The following FBN2 variants were observed in gnomAD, a reference collection of about 807,000 sequenced individuals.
FBN2 encodes the protein fibrillin 2, also known as fibrillin-2.
Under a neutral mutation model 355.6 loss-of-function variants are expected in FBN2, and 105 were observed. The ratio of observed to expected loss-of-function variants is 0.30; its 90% CI spans 0.25 to 0.35. The LOEUF is 0.35. FBN2 is among the 10% of genes least tolerant of loss of function. The pLI is 1.00. For missense variants in FBN2, 3,280 were observed against 3,758.7 expected (o/e 0.87, Z 3.33); for synonymous variants, 1,350 against 1,301.2 (o/e 1.04, Z -0.81).
rs17608368 is a variant in FBN2 at position 128,286,782 on chromosome 5, G to A, written c.6948C>T (p.Ile2316=). The A allele has an allele frequency of 5.8e-5, 94 of 1,613,932 alleles. No individual in the cohort carries two copies. In the African/African-American group the frequency reaches 8.3e-4, roughly 14 times the overall value. ...GAGGGCAGATGCACATGAAGGTGCC[G>A]ATTAGATTCTTACACATCATGCCCC... ...ESRGMMCKNL[I]GTFMCICPPG... is the part of the protein sequence containing the mutation. Residue 2316 remains isoleucine, a synonymous_variant, in exon 55 of 65, where the codon ATC becomes ATT. Transcript: ENST00000262464.
chr5:128,270,068 A>C (rs1456950440), intron 62 of FBN2, among the ~76,000 whole-genome samples: 1 of 152,224 alleles, frequency 6.6e-6, no homozygotes, highest in Admixed American at 6.5e-5. Context: ...GATCTTTGAC[A>C]AACCTGACAA....
intron 34 of FBN2, among the ~76,000 whole-genome samples, chr5:128,320,601 CTG>C (rs761956831): frequency 3.9e-5 from 6 of 152,178 alleles, no homozygotes; most frequent in Admixed American, 1.3e-4. Flanking sequence ...TAAAAGATTA[CTG>C]TCTTTCCTTT....
intron 55 of FBN2, among the ~76,000 whole-genome samples, chr5:128,281,125 C>A (rs929324441): frequency 2.0e-5 from 3 of 152,158 alleles, no homozygotes; most frequent in African/African-American, 7.2e-5. Context: ...TATTTTCAAC[C>A]TATCTCAGAT....
rs1750923011 is a variant in FBN2, at chr5:128,339,078, A to G, written c.3344-17T>C. ...CGTCGATGTCTAATTCACAGGGTTT[A>G]AAAGAAATTTAAAAATTGAATGAGA... On this transcript the variant is annotated splice_polypyrimidine_tract_variant and intron_variant, in intron 25 of 64. Coordinates refer to ENST00000262464, the MANE Select transcript of FBN2 (RefSeq NM_001999.4). The G allele has an allele frequency of 6.2e-7, 1 of 1,613,354 alleles. No homozygotes were observed.
intron 2 of FBN2, among the ~76,000 whole-genome samples, chr5:128,532,770 G>T (rs1232494053): frequency 2.6e-5 from 4 of 152,178 alleles, no homozygotes; most frequent in African/African-American, 9.7e-5. Context: ...AGTGGGCTGG[G>T]TATGGTGGCT....
intron 48 of FBN2, among the ~76,000 whole-genome samples, chr5:128,299,123 G>T (rs1162052431): frequency 1.3e-5 from 2 of 152,070 alleles, no homozygotes; most frequent in Non-Finnish European, 2.9e-5. Flanking sequence ...CTGCTGGGGG[G>T]TGCCTCCCAG....
At chr5:128,438,973 TAC>T (rs939771046) in intron 7 of FBN2, among the ~76,000 whole-genome samples, 1 of 151,992 alleles carries the variant, frequency 6.6e-6, no homozygotes, top group East Asian at 1.9e-4. Context: ...CACACACACA[TAC>T]ACACACACAC....
chr5:128,474,750 A>G (rs1754964193), intron 5 of FBN2, among the ~76,000 whole-genome samples: 1 of 152,188 alleles, frequency 6.6e-6, no homozygotes, highest in African/African-American at 2.4e-5. Flanking sequence ...CTAATGTGTA[A>G]TGGGAAAACA....
At chr5:128,307,075 T>A in intron 42 of FBN2, 60 bp downstream of exon 42, 6 of 1,059,528 alleles carry the variant, frequency 5.7e-6, no homozygotes, top group Non-Finnish European at 8.9e-6. Flanking sequence ...AAACATAGAA[T>A]AGATTTTTAC....
At position 128,318,152 on chromosome 5, in the gene FBN2, C is replaced by T. The variant is rs535517270; in HGVS notation, c.4714G>A (p.Val1572Ile). ...FQLNPTGVGC[V>I]DNRVGNCYLK... ...TGTTTCATATAGCTTTACTTACCAA[C>T]ACAACCCACACCAGTTGGGTTCAAC... The change falls in exon 36 of 65, where the codon GTT (valine) becomes ATT (isoleucine). Residue 1572 changes from valine to isoleucine, a missense_variant. Val to Ile is a conservative substitution (Grantham distance 29, BLOSUM62 3). Coordinates refer to ENST00000262464, the MANE Select transcript of FBN2 (RefSeq NM_001999.4). The T allele has an allele frequency of 3.1e-6, 5 of 1,614,064 alleles. No individual in the cohort carries two copies. In the Admixed American group the frequency reaches 5.0e-5, roughly 16 times the overall value.
intron 7 of FBN2, among the ~76,000 whole-genome samples, chr5:128,434,394 G>GTGTATATATATATATATATA (rs377404948): frequency 2.2e-5 from 2 of 91,678 alleles, no homozygotes; most frequent in African/African-American, 1.2e-4. Flanking sequence ...AATAAAGTGT[G>GTGTATATATATATATATATA]TATATATATA....
In FBN2 at chr5:128,305,842, G is replaced by A; in HGVS notation, c.5529C>T (p.Asp1843=). The A allele has an allele frequency of 6.2e-7, 1 of 1,613,998 alleles. No individual in the cohort carries two copies. Among genetic ancestry groups the A allele is most frequent in the Admixed American group, 1.7e-5 (1 of 60,012 alleles). The change falls in exon 43 of 65, where the codon GAC becomes GAT. Residue 1843 remains aspartate, a synonymous_variant. Transcript: ENST00000262464. Reference sequence around the variant, plus strand: ...GATTACCTTCACAAACCAACAGCAGGTCATTGTAACTGAATCCTGTAGGGC... The same window carrying A: ...GATTACCTTCACAAACCAACAGCAGATCATTGTAACTGAATCCTGTAGGGC... ...CECPTGFSYN[D]LLLVCEDIDE...
chr5:128,502,483 G>A (rs904893487), intron 5 of FBN2, among the ~76,000 whole-genome samples: 2 of 152,018 alleles, frequency 1.3e-5, no homozygotes, highest in African/African-American at 4.8e-5. Context: ...TATCCAAGTT[G>A]GAATTTAAGT....
chr5:128,507,108 C>T (rs528079353), intron 5 of FBN2, among the ~76,000 whole-genome samples: 1 of 152,170 alleles, frequency 6.6e-6, no homozygotes, highest in Admixed American at 6.5e-5. Flanking sequence ...GAAGTTTTAA[C>T]TCCTGTTCAA....
chr5:128,458,051 C>T (rs368784905), intron 6 of FBN2, among the ~76,000 whole-genome samples: 16 of 151,946 alleles, frequency 1.1e-4, no homozygotes, highest in African/African-American at 2.4e-5. Context: ...CATCGGTGTG[C>T]GTGTGCTGTA....
chr5:128,377,895 G>A lies in FBN2; in HGVS notation c.1724-18C>T. On this transcript the variant is annotated intron_variant, in intron 12 of 64. Coordinates refer to ENST00000262464, the MANE Select transcript of FBN2 (RefSeq NM_001999.4). ...ATCAATATCTAGGAAGATTGAGAATGGCCAAACATCATTCTTTTACAATAC... is the reference window on the plus strand; with the variant it reads ...ATCAATATCTAGGAAGATTGAGAATAGCCAAACATCATTCTTTTACAATAC... 6.2e-7 allele frequency: 1 copy of A among 1,608,564 alleles called. No individual in the cohort carries two copies. Among genetic ancestry groups the A allele is most frequent in the Non-Finnish European group, 8.5e-7 (1 of 1,175,294 alleles).
intron 5 of FBN2, among the ~76,000 whole-genome samples, chr5:128,472,751 A>G (rs1208297547): frequency 1.3e-5 from 2 of 151,692 alleles, no homozygotes; most frequent in Admixed American, 6.6e-5. Flanking sequence ...AGATCGCGCC[A>G]TTGCACTCCA....
chr5:128,474,735 G>A (rs1384012155), intron 5 of FBN2, among the ~76,000 whole-genome samples: 2 of 152,086 alleles, frequency 1.3e-5, no homozygotes, highest in African/African-American at 4.8e-5. Context: ...ACCTTTCCGA[G>A]GAAACTAATG....
chr5:128,537,466 C>T lies in FBN2; in HGVS notation c.138G>A (p.Gln46=), dbSNP rs768698018. The change falls in exon 1 of 65, where the codon CAG becomes CAA. Residue 46 remains glutamine (Q), a synonymous_variant. Transcript: ENST00000262464. ...KPPRPQPPPQ[Q]VRSATAGSEG... ...CAGAGCCTGCTGTAGCGGACCGAAC[C>T]TGTTGCGGCGGCGGCTGGGGCCGGG... is the stretch of plus-strand genomic sequence containing the variant. The T allele has an allele frequency of 1.2e-6, 2 of 1,604,730 alleles. No individual in the cohort carries two copies. Among genetic ancestry groups the T allele is most frequent in the African/African-American group, 2.7e-5 (2 of 74,844 alleles).
Sources: allele counts gnomAD v4.1 joint callset (sites outside exome capture counted in the v4.1 genomes callset), GRCh38; gene constraint gnomAD v4.1.1; transcripts MANE v1.5; gene names NCBI Gene and HGNC (gene_info 2026-07-23, HGNC 2026-07-21).